IL1RAPL2: variants seen among roughly 807,000 people sequenced by gnomAD.
IL1RAPL2 encodes interleukin 1 receptor accessory protein like 2, also known as X-linked interleukin-1 receptor accessory protein-like 2.
Under a neutral mutation model 44.1 loss-of-function variants are expected in IL1RAPL2, and 3 were observed. The ratio of observed to expected loss-of-function variants is 0.07; its 90% confidence interval spans 0.03 to 0.18. IL1RAPL2 has a LOEUF of 0.18. IL1RAPL2 is among the 10% of genes least tolerant of loss of function. The pLI is 1.00. For missense variants in IL1RAPL2, 391 were observed against 496.4 expected (o/e 0.79, Z 2.02); for synonymous variants, 181 against 178.8 (o/e 1.01, Z -0.10).
intron 1 of IL1RAPL2, among the ~76,000 whole-genome samples, chrX:104,609,759 T>C (rs777232985): frequency 1.5e-4 from 17 of 112,019 alleles, no homozygotes; most frequent in African/African-American, 5.2e-4. Context: ...TCTAACCTTT[T>C]TTCAAGGTTT....
At chrX:104,908,191 G>T (rs189573344) in intron 2 of IL1RAPL2, among the ~76,000 whole-genome samples, 3 of 111,532 alleles carry the variant, frequency 2.7e-5, no homozygotes, top group Non-Finnish European at 3.8e-5. Context: ...TTGAGCCTAT[G>T]TGTGTCTCTG....
chrX:105,718,116 A>T (rs1359005708), intron 7 of IL1RAPL2, among the ~76,000 whole-genome samples: 2 of 111,839 alleles, frequency 1.8e-5, no homozygotes, highest in Non-Finnish European at 3.8e-5. Context: ...ATATAAAAAT[A>T]TAGGTAACCT....
chrX:105,425,817 A>AT (rs1047308736), intron 5 of IL1RAPL2, among the ~76,000 whole-genome samples: 3 of 105,099 alleles, frequency 2.9e-5, no homozygotes, highest in African/African-American at 1.2e-4. Flanking sequence ...AATTTAGTTT[A>AT]TTTTAAAAAA....
chrX:104,887,969 T>C (rs752876612), intron 2 of IL1RAPL2, among the ~76,000 whole-genome samples: 1 of 111,543 alleles, frequency 9.0e-6, no homozygotes, highest in East Asian at 2.8e-4. Context: ...TAAATGTGTA[T>C]ACAAATAGCA....
At chrX:105,503,847 G>A (rs935637158) in intron 6 of IL1RAPL2, among the ~76,000 whole-genome samples, 2 of 111,562 alleles carry the variant, frequency 1.8e-5, no homozygotes, top group South Asian at 3.8e-4. Context: ...TCAGATCTTC[G>A]TCATCACATG....
intron 6 of IL1RAPL2, among the ~76,000 whole-genome samples, chrX:105,590,234 A>T (rs1270393687): frequency 9.0e-6 from 1 of 111,351 alleles, no homozygotes; most frequent in Non-Finnish European, 1.9e-5. Context: ...GTATCCTGAA[A>T]CTTTGTTGTT....
chrX:104,775,147 T>A (rs1023675840), intron 2 of IL1RAPL2, among the ~76,000 whole-genome samples: 1 of 112,672 alleles, frequency 8.9e-6, no homozygotes, highest in African/African-American at 3.2e-5. Context: ...GTGCAAATTA[T>A]AATTTCAAAA....
At chrX:105,028,665 A>C (rs1291018320) in intron 2 of IL1RAPL2, among the ~76,000 whole-genome samples, 1 of 110,623 alleles carries the variant, frequency 9.0e-6, no homozygotes, top group Non-Finnish European at 1.9e-5. Context: ...ATCAGTAATA[A>C]TGATGCCAAG....
intron 5 of IL1RAPL2, chrX:105,406,110 G>A: frequency 1.1e-5 from 13 of 1,192,443 alleles, no homozygotes; most frequent in Non-Finnish European, 1.5e-5. Flanking sequence ...GAGCAGCTGG[G>A]ATCGAGTATA....
intron 1 of IL1RAPL2, among the ~76,000 whole-genome samples, chrX:104,650,003 C>T (rs774088458): frequency 6.3e-5 from 7 of 111,968 alleles, no homozygotes; most frequent in Admixed American, 1.9e-4. Context: ...TGGCATTACT[C>T]ATATCAGGAT....
chrX:105,265,493 T>G, intron 4 of IL1RAPL2, among the ~76,000 whole-genome samples: 1 of 111,679 alleles, frequency 9.0e-6, no homozygotes, highest in East Asian at 2.8e-4. Flanking sequence ...TGATAAACCT[T>G]GCCAGACATG....
chrX:104,977,820 A>T (rs1249959541), intron 2 of IL1RAPL2, among the ~76,000 whole-genome samples: 1 of 112,451 alleles, frequency 8.9e-6, no homozygotes, highest in Non-Finnish European at 1.9e-5. Flanking sequence ...GCAGTTCTGC[A>T]GTTATATCTA....
intron 5 of IL1RAPL2, among the ~76,000 whole-genome samples, chrX:105,274,685 T>G (rs866553400): frequency 8.9e-6 from 1 of 111,915 alleles, no homozygotes; most frequent in Middle Eastern, 4.6e-3. Flanking sequence ...AATTGTATTT[T>G]GTGGAACCCT....
intron 6 of IL1RAPL2, among the ~76,000 whole-genome samples, chrX:105,670,993 G>A (rs1291620111): frequency 9.2e-6 from 1 of 108,306 alleles, no homozygotes; most frequent in Non-Finnish European, 1.9e-5. Context: ...TTTCACCCAG[G>A]CTGGAGTGCA....
chrX:105,597,527 A>G (rs1338929026), intron 6 of IL1RAPL2, among the ~76,000 whole-genome samples: 3 of 111,255 alleles, frequency 2.7e-5, no homozygotes, highest in African/African-American at 9.8e-5. Context: ...GGCATGTCAC[A>G]TAGTGAAAGC....
At chrX:105,657,976 TA>T (rs1216043831) in intron 6 of IL1RAPL2, among the ~76,000 whole-genome samples, 18 of 103,813 alleles carry the variant, frequency 1.7e-4, no homozygotes, top group East Asian at 3.0e-4. Context: ...AGCACCAAAT[TA>T]AAAAAAAAAA....
intron 6 of IL1RAPL2, among the ~76,000 whole-genome samples, chrX:105,559,688 A>G (rs1208827954): frequency 9.0e-6 from 1 of 111,623 alleles, no homozygotes; most frequent in Non-Finnish European, 1.9e-5. Context: ...CACTGCTGCC[A>G]TGCCATTTTG....
At chrX:105,627,199 C>A (rs2037459140) in intron 6 of IL1RAPL2, among the ~76,000 whole-genome samples, 1 of 111,359 alleles carries the variant, frequency 9.0e-6, no homozygotes, top group Non-Finnish European at 1.9e-5. Flanking sequence ...AAAACAATAA[C>A]TAATTATTAT....
intron 3 of IL1RAPL2, among the ~76,000 whole-genome samples, chrX:105,210,388 C>T: frequency 9.0e-6 from 1 of 111,589 alleles, no homozygotes; most frequent in South Asian, 3.8e-4. Context: ...TGTCCCACTG[C>T]CTACCATCAT....
Sources: allele counts gnomAD v4.1 joint callset (sites outside exome capture counted in the v4.1 genomes callset), GRCh38; gene constraint gnomAD v4.1.1; transcripts MANE v1.5; gene names NCBI Gene and HGNC (gene_info 2026-07-23, HGNC 2026-07-21).